The following SLC19A2 variants were observed in gnomAD, a reference collection of about 807,000 sequenced individuals.
SLC19A2 encodes solute carrier family 19 member 2.
SLC19A2 carries 27 observed loss-of-function variants against 44.7 expected under a neutral mutation model. The observed-to-expected ratio is 0.60, with a 90% CI of 0.45 to 0.83. The LOEUF (loss-of-function observed/expected upper bound fraction) is 0.83. Ranked by LOEUF, SLC19A2 falls within the 40% of genes least tolerant of loss-of-function variation. The pLI, the probability that SLC19A2 is intolerant of heterozygous loss-of-function variation, is 0.00. For missense variants in SLC19A2, 566 were observed against 613.7 expected, an observed-to-expected ratio of 0.92 and a Z score of 0.82; for synonymous variants, 239 against 243.6, an observed-to-expected ratio of 0.98 and a Z score of 0.18.
At position 169,464,582 on chromosome 1, in the gene SLC19A2, A is replaced by C. The variant is rs1657944771; in HGVS notation, c.*1267T>G. On this transcript the variant is annotated 3_prime_UTR_variant, in exon 6 of 6. Transcript: ENST00000236137. ...ACCTATCTAGATTCTTTTCAAGATA[A>C]GGCAACAAAGTCAGCTTTAAAATAG... 6.6e-6 allele frequency: 1 copy of C among 152,394 alleles called. No individual in the cohort carries two copies. Among genetic ancestry groups the C allele is most frequent in the South Asian group, 2.1e-4 (1 of 4,832 alleles). The allele number at this position is 152,394 out of a possible 1,614,324, so 9.4% of individuals were successfully genotyped here.
chr1:169,468,303 TATA>T (rs778449365), intron 4 of SLC19A2, 51 bp from the exon 5 acceptor site: 1 of 1,428,794 alleles, frequency 7.0e-7, no homozygotes, highest in Admixed American at 1.8e-5. Flanking sequence ...CTGGAGTACT[TATA>T]ATATTTATTC....
At chr1:169,471,745 A>T (rs769714750) in intron 2 of SLC19A2, among the ~76,000 whole-genome samples, 6 of 150,258 alleles carry the variant, frequency 4.0e-5, no homozygotes, top group Non-Finnish European at 8.9e-5. Context: ...AAATTAATAG[A>T]TATTTTCTCC....
Position 169,477,154 on chromosome 1 carries a change from C to G in SLC19A2, c.807+1G>C. ...TACAAGATATTTAAGGCTGAGCTTACCGGTTCCTCCACGGGAGGCTCCTCC... is the reference window on the plus strand; with the variant it reads ...TACAAGATATTTAAGGCTGAGCTTAGCGGTTCCTCCACGGGAGGCTCCTCC... On this transcript the variant is annotated splice_donor_variant, in intron 2 of 5. Coordinates refer to ENST00000236137, the MANE Select transcript of SLC19A2 (RefSeq NM_006996.3). LOFTEE classifies it high-confidence loss of function. 6.2e-7 allele frequency: 1 copy of G among 1,613,468 alleles called. No homozygotes were observed. Among genetic ancestry groups the G allele is most frequent in the Non-Finnish European group, 8.5e-7 (1 of 1,179,878 alleles).
chr1:169,482,212 A>C (rs964053466), intron 1 of SLC19A2, among the ~76,000 whole-genome samples: 13 of 148,262 alleles, frequency 8.8e-5, no homozygotes, highest in Admixed American at 2.0e-4. Flanking sequence ...AAAAAATAAA[A>C]ATTAAAATTA....
chr1:169,468,947 G>T, intron 3 of SLC19A2, 111 bp from the exon 4 acceptor site: 1 of 938,774 alleles, frequency 1.1e-6, no homozygotes, highest in Non-Finnish European at 1.6e-6. Flanking sequence ...CTTATAAACA[G>T]AATAGCTCAA....
chr1:169,477,806 A>T (rs1453402540), intron 1 of SLC19A2, 49 bp from the exon 2 acceptor site: 1 of 1,541,324 alleles, frequency 6.5e-7, no homozygotes, highest in Non-Finnish European at 8.8e-7. Flanking sequence ...TGATGAAAGG[A>T]CCTGGAATAC....
At chr1:169,475,770 G>C (rs931111002) in intron 2 of SLC19A2, among the ~76,000 whole-genome samples, 2 of 152,152 alleles carry the variant, frequency 1.3e-5, no homozygotes, top group African/African-American at 2.4e-5. Flanking sequence ...TTCATGATGA[G>C]GGTTGCCCAG....
At chr1:169,480,255 T>C (rs1357793752) in intron 1 of SLC19A2, among the ~76,000 whole-genome samples, 1 of 152,168 alleles carries the variant, frequency 6.6e-6, no homozygotes, top group Non-Finnish European at 1.5e-5. Context: ...TCCAGTTGTG[T>C]TCTAATTAAC....
Position 169,465,804 on chromosome 1 carries a change from G to A in SLC19A2, c.*45C>T, listed in dbSNP as rs1657972185. 2 of 1,606,114 alleles carry A rather than the reference G, an allele frequency of 1.2e-6. No individual in the cohort carries two copies. Among genetic ancestry groups the A allele is most frequent in the Non-Finnish European group, 8.5e-7 (1 of 1,174,614 alleles). ...AAAAATCAAACACATCCAGGCAGTT[G>A]CTGTGCAGAGTTCTTGCTATAAGAA... On this transcript the variant is annotated 3_prime_UTR_variant, in exon 6 of 6. Coordinates refer to ENST00000236137, the MANE Select transcript of SLC19A2 (RefSeq NM_006996.3).
chr1:169,481,621 G>A (rs1273807456), intron 1 of SLC19A2, among the ~76,000 whole-genome samples: 2 of 152,168 alleles, frequency 1.3e-5, no homozygotes, highest in Non-Finnish European at 2.9e-5. Flanking sequence ...AGGCAAAAAT[G>A]TACCAATTAC....
At chr1:169,484,298 T>G (rs1429981787) in intron 1 of SLC19A2, among the ~76,000 whole-genome samples, 2 of 152,150 alleles carry the variant, frequency 1.3e-5, no homozygotes, top group Non-Finnish European at 2.9e-5. Context: ...ATCTCGCCAG[T>G]GTGCAAATGA....
intron 2 of SLC19A2, 50 bp downstream of exon 2, chr1:169,477,105 G>A (rs375833910): frequency 5.0e-6 from 8 of 1,609,118 alleles, no homozygotes; most frequent in Non-Finnish European, 4.2e-6. Flanking sequence ...TTTTCACCAC[G>A]GGTCCAGCCC....
Position 169,476,170 on chromosome 1 carries a change from G to C in SLC19A2, c.807+985C>G, listed in dbSNP as rs570088908. Among the ~76,000 whole-genome samples, 6 of 151,776 alleles carry C rather than the reference G, an allele frequency of 4.0e-5. No homozygotes were observed. In the East Asian group the frequency reaches 1.2e-3, roughly 29 times the overall value. On this transcript the variant is annotated intron_variant, in intron 2 of 5. Coordinates refer to ENST00000236137, the MANE Select transcript of SLC19A2 (RefSeq NM_006996.3). Reference sequence around the variant, plus strand: ...AAAAAAAAAAAAGGGTGGGTGTCTAGGGAAAGGAATTCATCTTCCTGGCTA... The same window carrying C: ...AAAAAAAAAAAAGGGTGGGTGTCTACGGAAAGGAATTCATCTTCCTGGCTA...
rs1401027751 is a variant in SLC19A2 at position 169,468,717 on chromosome 1, CCA to C, written c.1148_1149del (p.Val383GlyfsTer2). The C allele has an allele frequency of 1.9e-6, 3 of 1,613,714 alleles. No homozygotes were observed. Among genetic ancestry groups the C allele is most frequent in the Admixed American group, 3.3e-5 (2 of 59,988 alleles). On this transcript the variant is annotated frameshift_variant, in exon 4 of 6. Transcript: ENST00000236137. LOFTEE classifies it high-confidence loss of function. ...GATGCATAGCACACCCAAATGTTAC[CCA>C]CAGTGTCCATGATATACACTGCAGC... ...IAAAVYIMDT[V>X]GNIWVCYASY...
intron 1 of SLC19A2, among the ~76,000 whole-genome samples, chr1:169,479,276 A>T (rs929326589): frequency 2.0e-5 from 3 of 152,248 alleles, no homozygotes; most frequent in African/African-American, 7.2e-5. Context: ...GTCTCTCTAG[A>T]TGGCAGGAAT....
At chr1:169,485,500 C>G (rs1392117411) in intron 1 of SLC19A2, 63 bp downstream of exon 1, 13 of 1,530,678 alleles carry the variant, frequency 8.5e-6, no homozygotes, top group Admixed American at 3.9e-5. Context: ...TCCTCTCTTC[C>G]TCCGCTGCCC....
intron 2 of SLC19A2, 41 bp downstream of exon 2, chr1:169,477,114 C>G: frequency 6.2e-7 from 1 of 1,611,620 alleles, no homozygotes. Flanking sequence ...CGGGTCCAGC[C>G]CCCATAGTAG....
intron 2 of SLC19A2, 50 bp downstream of exon 2, chr1:169,477,104 CG>C (rs1658337596): frequency 6.2e-7 from 1 of 1,609,286 alleles, no homozygotes; most frequent in Non-Finnish European, 8.5e-7. Flanking sequence ...TTTTTCACCA[CG>C]GGTCCAGCCC....
intron 1 of SLC19A2, 82 bp from the exon 2 acceptor site, chr1:169,477,839 A>G (rs1234655710): frequency 1.4e-6 from 2 of 1,400,020 alleles, no homozygotes; most frequent in African/African-American, 1.5e-5. Flanking sequence ...TATTCATAAA[A>G]AACAACCTAC....
Sources: gnomAD v4.1 joint callset for allele counts (sites outside exome capture counted in the v4.1 genomes callset) on GRCh38, gnomAD v4.1.1 for gene constraint, MANE v1.5 for transcripts, NCBI Gene and HGNC (gene_info 2026-07-23, HGNC 2026-07-21) for gene names.